Variants in UBE2V2 observed in about 807,000 individuals in gnomAD.
UBE2V2 encodes ubiquitin-conjugating enzyme E2 variant 2.
In UBE2V2, 9 loss-of-function variants were observed where a neutral mutation model predicts 17.2. That is an observed-to-expected ratio of 0.52 (90% CI 0.32 to 0.91). UBE2V2 has a LOEUF of 0.91. Among genes scored for constraint, UBE2V2 ranks in the 40% least tolerant of loss-of-function variants. The probability of loss-of-function intolerance (pLI) is 0.04; values close to 1 mark genes in which losing one functional copy is unlikely to be tolerated. For synonymous variants in UBE2V2, 61 were observed against 57.5 expected, an observed-to-expected ratio of 1.06 and a Z score of -0.28; for missense variants, 133 against 182.6, an observed-to-expected ratio of 0.73 and a Z score of 1.56.
intron 1 of UBE2V2, among the ~76,000 whole-genome samples, chr8:48,018,556 T>C (rs1175670688): frequency 1.3e-5 from 2 of 152,230 alleles, no homozygotes; most frequent in Non-Finnish European, 2.9e-5. Flanking sequence ...TTGTTAAGAC[T>C]TATTTTGTGG....
intron 1 of UBE2V2, among the ~76,000 whole-genome samples, chr8:48,016,581 C>A (rs913927800): frequency 1.3e-5 from 2 of 151,658 alleles, no homozygotes; most frequent in Non-Finnish European, 2.9e-5. Context: ...CTCCTGGGTT[C>A]AAGCAATTCT....
intron 3 of UBE2V2, among the ~76,000 whole-genome samples, chr8:48,054,861 T>C (rs2091561415): frequency 6.6e-6 from 1 of 152,222 alleles, no homozygotes; most frequent in Admixed American, 6.5e-5. Flanking sequence ...TCTGACATGA[T>C]ATTTATTTTC....
chr8:48,017,939 C>T (rs2091281448), intron 1 of UBE2V2, among the ~76,000 whole-genome samples: 1 of 151,602 alleles, frequency 6.6e-6, no homozygotes, highest in Non-Finnish European at 1.5e-5. Flanking sequence ...CTCAACTTCC[C>T]AGGCTCTCAC....
chr8:48,030,055 G>A (rs1589856070), intron 1 of UBE2V2, among the ~76,000 whole-genome samples: 1 of 152,296 alleles, frequency 6.6e-6, no homozygotes, highest in African/African-American at 2.4e-5. Flanking sequence ...TGATAGTTCT[G>A]CAATAAACAT....
chr8:48,035,107 C>CTTTTTT (rs578114987), intron 1 of UBE2V2: 8 of 855,618 alleles, frequency 9.3e-6, no homozygotes, highest in Non-Finnish European at 9.3e-6. Context: ...CCTATTTATT[C>CTTTTTT]TTTTTTTTTT....
intron 1 of UBE2V2, among the ~76,000 whole-genome samples, chr8:48,037,250 CTT>C (rs2091430930): frequency 6.6e-6 from 1 of 152,210 alleles, no homozygotes; most frequent in African/African-American, 2.4e-5. Context: ...TTGGTTGTTT[CTT>C]TTAGAATCAG....
At chr8:48,003,071 A>G in the UBE2V2 span, among the ~76,000 whole-genome samples, 1 of 152,002 alleles carries the variant, frequency 6.6e-6, no homozygotes, top group Non-Finnish European at 1.5e-5. Flanking sequence ...TTAGCTGGGC[A>G]TGGTGGCGCA....
intron 1 of UBE2V2, among the ~76,000 whole-genome samples, chr8:48,040,892 T>G (rs2091458285): frequency 8.0e-6 from 1 of 125,184 alleles, no homozygotes; most frequent in Non-Finnish European, 1.6e-5. Flanking sequence ...TGAGACAGAG[T>G]CTCACTCTGT....
In UBE2V2 at chr8:48,049,905, A is replaced by T; in HGVS notation, c.218A>T (p.Tyr73Phe). Residue 73 changes from tyrosine to phenylalanine, a missense_variant, in exon 3 of 4, where the codon TAC becomes TTC. Coordinates refer to ENST00000523111, the MANE Select transcript of UBE2V2 (RefSeq NM_003350.3). ...YSLKVECGPKYPEAPPSVRFV... is the reference protein window; with the variant it reads ...YSLKVECGPKFPEAPPSVRFV... ...CTGAAAGTAGAATGTGGACCTAAAT[A>T]CCCAGAAGCTCCTCCGTCAGTTAGA... 4 of 1,590,456 alleles carry T rather than the reference A, an allele frequency of 2.5e-6. No individual in the cohort carries two copies. Among genetic ancestry groups the T allele is most frequent in the Non-Finnish European group, 3.4e-6 (4 of 1,172,742 alleles).
chr8:48,008,492 C>G, intron 1 of UBE2V2, 22 bp downstream of exon 1: 1 of 1,565,162 alleles, frequency 6.4e-7, no homozygotes, highest in Non-Finnish European at 8.6e-7. Flanking sequence ...GGCCGGGCTG[C>G]GTGATTTTCC....
the UBE2V2 span, among the ~76,000 whole-genome samples, chr8:48,002,444 A>T: frequency 6.6e-6 from 1 of 152,230 alleles, no homozygotes; most frequent in Non-Finnish European, 1.5e-5. Flanking sequence ...AAAGATAAAT[A>T]TTACATTATC....
upstream of UBE2V2, among the ~76,000 whole-genome samples, chr8:48,005,471 A>G (rs1189242112): frequency 1.3e-5 from 2 of 152,230 alleles, no homozygotes; most frequent in Admixed American, 6.5e-5. Context: ...CAGTGCCACA[A>G]TAAATATACA....
At chr8:48,015,737 T>C (rs1262498628) in intron 1 of UBE2V2, among the ~76,000 whole-genome samples, 2 of 152,104 alleles carry the variant, frequency 1.3e-5, no homozygotes, top group African/African-American at 2.4e-5. Context: ...TGAGATAATA[T>C]GTATTTGTCT....
chr8:48,027,058 C>T (rs1239386437), intron 1 of UBE2V2, among the ~76,000 whole-genome samples: 1 of 152,138 alleles, frequency 6.6e-6, no homozygotes, highest in Admixed American at 6.6e-5. Flanking sequence ...GATCTCAGTC[C>T]ACTGCAACCT....
intron 1 of UBE2V2, among the ~76,000 whole-genome samples, chr8:48,009,184 C>T (rs1301087495): frequency 6.6e-6 from 1 of 151,884 alleles, no homozygotes; most frequent in Admixed American, 6.6e-5. Flanking sequence ...GACATTAGAC[C>T]ATTTCAGAAA....
At chr8:48,046,845 C>A (rs1030403209) in intron 2 of UBE2V2, among the ~76,000 whole-genome samples, 2 of 152,154 alleles carry the variant, frequency 1.3e-5, no homozygotes, top group African/African-American at 2.4e-5. Flanking sequence ...AAATGGCCCA[C>A]CTGCCGTGGC....
chr8:48,061,000 G>A lies in UBE2V2; in HGVS notation c.*172G>A. The A allele has an allele frequency of 1.7e-6, 1 of 577,566 alleles. No individual in the cohort carries two copies. Among genetic ancestry groups the A allele is most frequent in the South Asian group, 8.8e-5 (1 of 11,366 alleles). The allele number at this position is 577,566 out of a possible 1,614,324, so 35.8% of individuals were successfully genotyped here. A position where few individuals can be genotyped will look rare whatever the true frequency, so the allele number is the denominator to read the frequency against. On this transcript the variant is annotated 3_prime_UTR_variant, in exon 4 of 4. Coordinates refer to ENST00000523111, the MANE Select transcript of UBE2V2 (RefSeq NM_003350.3). ...ATATGTACACCCATTATGTTTTCAG[G>A]TAACAGGAGGAAAAATGCAGCACAA...
chr8:48,008,416 T>C, upstream of UBE2V2: 1 of 1,558,846 alleles, frequency 6.4e-7, no homozygotes. Context: ...CGACGGTTCG[T>C]GCGTGCGTGC....
chr8:48,013,129 G>A (rs1034740690), intron 1 of UBE2V2, among the ~76,000 whole-genome samples: 2 of 152,080 alleles, frequency 1.3e-5, no homozygotes, highest in Admixed American at 1.3e-4. Context: ...ACTGGTGTGA[G>A]CCACTGCATC....
Sources: gnomAD v4.1 joint callset for allele counts (sites outside exome capture counted in the v4.1 genomes callset) on GRCh38, gnomAD v4.1.1 for gene constraint, MANE v1.5 for transcripts, NCBI Gene and HGNC (gene_info 2026-07-23, HGNC 2026-07-21) for gene names.